ALG12: variants seen among roughly 807,000 people sequenced by gnomAD.
ALG12 encodes ALG12 alpha-1,6-mannosyltransferase.
A neutral mutation model predicts 46.0 loss-of-function variants in ALG12; 36 were observed. The ratio of observed to expected loss-of-function variants is 0.78; its 90% CI spans 0.60 to 1.03. The LOEUF (loss-of-function observed/expected upper bound fraction) is 1.03. Among genes scored for constraint, ALG12 ranks in the 50% least tolerant of loss-of-function variants. ALG12 has a pLI of 0.00. For synonymous variants in ALG12, 326 were observed against 291.6 expected, an observed-to-expected ratio of 1.12 and a Z score of -1.20; for missense variants, 599 against 633.5, an observed-to-expected ratio of 0.95 and a Z score of 0.58.
rs963794553 is a variant in ALG12, at chr22:49,900,770, G to A, written c.*3068C>T. Reference sequence around the variant, plus strand: ...GCAAGGTGGGACGGAATCCAGGCACGGTTCTGTGCTGTTTCAGATCTGTAC... The same window carrying A: ...GCAAGGTGGGACGGAATCCAGGCACAGTTCTGTGCTGTTTCAGATCTGTAC... On this transcript the variant is annotated 3_prime_UTR_variant, in exon 10 of 10. Coordinates refer to ENST00000330817, the MANE Select transcript of ALG12 (RefSeq NM_024105.4). The A allele has an allele frequency of 2.0e-5, 3 of 152,222 alleles. No homozygotes were observed. Among genetic ancestry groups the A allele is most frequent in the Non-Finnish European group, 4.4e-5 (3 of 68,048 alleles). 9.4% of individuals were successfully genotyped at this position (152,222 alleles called of 1,614,324 possible). A position where few individuals can be genotyped will look rare whatever the true frequency, so the allele number is the denominator to read the frequency against.
chr22:49,911,984 T>TGCGGGATCACCCTCGGCC (rs2060579301), intron 3 of ALG12, among the ~76,000 whole-genome samples: 2 of 115,244 alleles, frequency 1.7e-5, no homozygotes, highest in Non-Finnish European at 3.3e-5. Flanking sequence ...CAGCCTCGGC[T>TGCGGGATCACCCTCGGCC]GCGGGATCAC....
intron 1 of ALG12, among the ~76,000 whole-genome samples, chr22:49,915,712 G>A (rs1028741172): frequency 6.6e-6 from 1 of 152,180 alleles, no homozygotes; most frequent in Admixed American, 6.5e-5. Context: ...GACGGTGGGG[G>A]GTTTTTGATG....
At chr22:49,915,142 G>A (rs1316128833) in intron 1 of ALG12, among the ~76,000 whole-genome samples, 4 of 152,214 alleles carry the variant, frequency 2.6e-5, no homozygotes, top group South Asian at 2.1e-4. Flanking sequence ...GGCAGGGGGT[G>A]GAGAGAAAGA....
At chr22:49,879,205 A>C in the ALG12 span, among the ~76,000 whole-genome samples, 1 of 149,744 alleles carries the variant, frequency 6.7e-6, no homozygotes. Flanking sequence ...GCTCACTGTA[A>C]CTTGCGCCTC....
rs959172054 is a variant in ALG12 at position 49,902,153 on chromosome 22, T to C, written c.*1685A>G. The C allele has an allele frequency of 3.1e-5, 4 of 128,524 alleles. No homozygotes were observed. The highest frequency in any genetic ancestry group is 6.8e-3 in the Middle Eastern group (1 of 148). 8.0% of individuals were successfully genotyped at this position (128,524 alleles called of 1,614,324 possible). Reference sequence around the variant, plus strand: ...GTGCACTGTGTGTGGTGTGTATGCATGGTGTGTGCACGTGTGCACTGTGTG... The same window carrying C: ...GTGCACTGTGTGTGGTGTGTATGCACGGTGTGTGCACGTGTGCACTGTGTG... On this transcript the variant is annotated 3_prime_UTR_variant, in exon 10 of 10. Coordinates refer to ENST00000330817, the MANE Select transcript of ALG12 (RefSeq NM_024105.4).
Position 49,901,999 on chromosome 22 carries a change from C to CTGTGTGG in ALG12, c.*1838_*1839insCCACACA, listed in dbSNP as rs1222217324. The CTGTGTGG allele has an allele frequency of 1.8e-5, 2 of 109,100 alleles. No homozygotes were observed. The allele number at this position is 109,100 out of a possible 1,614,324, so 6.8% of individuals were successfully genotyped here. ...TATGCATGGTGTGTGCACGTGTGCA[C>CTGTGTGG]TGTGTATGCATGGTAATGTGCACGC... On this transcript the variant is annotated 3_prime_UTR_variant, in exon 10 of 10. Transcript: ENST00000330817.
At chr22:49,893,245 C>A in the ALG12 span, among the ~76,000 whole-genome samples, 1 of 152,176 alleles carries the variant, frequency 6.6e-6, no homozygotes, top group East Asian at 1.9e-4. Flanking sequence ...GGTGGAGCGC[C>A]ATTTGGATGA....
chr22:49,875,446 A>T, the ALG12 span, among the ~76,000 whole-genome samples: 3 of 146,192 alleles, frequency 2.1e-5, no homozygotes, highest in African/African-American at 5.1e-5. Context: ...TTTGAGACGG[A>T]GTCTTGCTCT....
chr22:49,866,528 C>G, the ALG12 span, among the ~76,000 whole-genome samples: 48 of 151,926 alleles, frequency 3.2e-4, no homozygotes, highest in Admixed American at 1.5e-3. Flanking sequence ...TTTGTGGGAC[C>G]TATAATCTCA....
At chr22:49,915,724 TG>T (rs2060605665) in intron 1 of ALG12, among the ~76,000 whole-genome samples, 2 of 152,242 alleles carry the variant, frequency 1.3e-5, no homozygotes, top group South Asian at 4.2e-4. Flanking sequence ...TTTTTGATGC[TG>T]GATGATTTTT....
Position 49,906,600 on chromosome 22 carries a change from G to A in ALG12, c.992+1121C>T, listed in dbSNP as rs1040914845. Among the ~76,000 whole-genome samples the A allele has an allele frequency of 6.6e-6, 1 of 152,198 alleles. No homozygotes were observed. The highest frequency in any genetic ancestry group is 2.4e-5 in the African/African-American group (1 of 41,442). On this transcript the variant is annotated intron_variant, in intron 7 of 9. Transcript: ENST00000330817. The surrounding 1 kb of genome is among the most constrained non-coding windows in gnomAD (Gnocchi z 4.4). ...TGGCACCGGAAAGCACCTGACCGCT[G>A]CCTGAGATCAGGGACCGCATTGTGG...
the ALG12 span, among the ~76,000 whole-genome samples, chr22:49,864,637 T>C: frequency 6.6e-6 from 1 of 151,852 alleles, no homozygotes; most frequent in East Asian, 1.9e-4. Context: ...AGCAACCTAG[T>C]GAGACCCCCT....
At chr22:49,890,610 A>T in the ALG12 span, among the ~76,000 whole-genome samples, 1 of 152,210 alleles carries the variant, frequency 6.6e-6, no homozygotes, top group East Asian at 1.9e-4. Flanking sequence ...CCCTTATTTG[A>T]TGAGAAGAAT....
chr22:49,913,066 T>C (rs1438605317), intron 3 of ALG12, among the ~76,000 whole-genome samples: 1 of 152,228 alleles, frequency 6.6e-6, no homozygotes, highest in Non-Finnish European at 1.5e-5. Flanking sequence ...ATAAAGGCTG[T>C]TGACCCCATG....
the ALG12 span, among the ~76,000 whole-genome samples, chr22:49,873,698 A>G: frequency 6.6e-6 from 1 of 151,982 alleles, no homozygotes; most frequent in South Asian, 2.1e-4. Context: ...ATGAGGTGAT[A>G]TGAGGTATTG....
chr22:49,861,821 G>A, the ALG12 span, among the ~76,000 whole-genome samples: 48 of 152,306 alleles, frequency 3.2e-4, no homozygotes, highest in Non-Finnish European at 5.4e-4. Flanking sequence ...GTGGGATGCC[G>A]CTGTGACTGA....
chr22:49,888,739 GGTA>G, the ALG12 span: 1 of 167,274 alleles, frequency 6.0e-6, no homozygotes, highest in Non-Finnish European at 1.5e-5. Context: ...CCTCTTACCC[GGTA>G]GCTGTGCGCT....
the ALG12 span, among the ~76,000 whole-genome samples, chr22:49,878,721 A>C: frequency 6.6e-6 from 1 of 152,160 alleles, no homozygotes; most frequent in Non-Finnish European, 1.5e-5. Context: ...CAAAAGTAAA[A>C]ACTTATGCTC....
chr22:49,903,766 A>T lies in ALG12; in HGVS notation c.*72T>A. 1 of 1,519,106 alleles carries T rather than the reference A, an allele frequency of 6.6e-7. No individual in the cohort carries two copies. The highest frequency in any genetic ancestry group is 1.4e-5 in the African/African-American group (1 of 73,196). 94.1% of individuals were successfully genotyped at this position (1,519,106 alleles called of 1,614,324 possible). On this transcript the variant is annotated 3_prime_UTR_variant, in exon 10 of 10. Coordinates refer to ENST00000330817, the MANE Select transcript of ALG12 (RefSeq NM_024105.4). ...CTCTGAATTGTCATAATTGTGCTGG[A>T]ATTGTGCCAGAAACTGGTAGTGATA...
Sources: gnomAD v4.1 joint callset for allele counts (sites outside exome capture counted in the v4.1 genomes callset) on GRCh38, gnomAD v4.1.1 for gene constraint, Gnocchi (gnomAD v3.1) non-coding constraint, MANE v1.5 for transcripts, NCBI Gene and HGNC (gene_info 2026-07-23, HGNC 2026-07-21) for gene names.